PDE1C: variants seen among roughly 807,000 people sequenced by gnomAD.
PDE1C encodes dual specificity calcium/calmodulin-dependent 3',5'-cyclic nucleotide phosphodiesterase 1C.
PDE1C carries 62 observed loss-of-function variants against 93.1 expected under a neutral mutation model. The ratio of observed to expected loss-of-function variants is 0.67; its 90% confidence interval spans 0.54 to 0.82. The LOEUF is 0.82. Ranked by LOEUF, PDE1C falls within the 40% of genes least tolerant of loss-of-function variation. PDE1C has a pLI of 0.00. For synonymous variants in PDE1C, 325 were observed against 310.1 expected, an observed-to-expected ratio of 1.05 and a Z score of -0.50; for missense variants, 742 against 884.6, an observed-to-expected ratio of 0.84 and a Z score of 2.04.
chr7:32,146,151 G>A (rs1800821303), intron 3 of PDE1C, among the ~76,000 whole-genome samples: 1 of 152,124 alleles, frequency 6.6e-6, no homozygotes, highest in African/African-American at 2.4e-5. Context: ...TGACACCAGT[G>A]CCCTGTCATG....
intron 1 of PDE1C, among the ~76,000 whole-genome samples, chr7:32,315,934 G>C (rs966803435): frequency 2.0e-5 from 3 of 152,226 alleles, no homozygotes; most frequent in Non-Finnish European, 4.4e-5. Context: ...GGCCAAAGTT[G>C]TGGTGAGCCA....
chr7:31,651,042 GA>G, the PDE1C span: 2 of 1,405,828 alleles, frequency 1.4e-6, no homozygotes, highest in Non-Finnish European at 9.6e-7. Context: ...GCCTGTTTGC[GA>G]AAAAAGGGAT....
intron 1 of PDE1C, among the ~76,000 whole-genome samples, chr7:32,378,000 G>A (rs1210733524): frequency 6.6e-6 from 1 of 152,202 alleles, no homozygotes; most frequent in Non-Finnish European, 1.5e-5. Flanking sequence ...GACTATTTCT[G>A]GAAGGGAGGA....
chr7:31,955,810 G>A (rs1351654523), intron 2 of PDE1C, among the ~76,000 whole-genome samples: 3 of 152,152 alleles, frequency 2.0e-5, no homozygotes, highest in East Asian at 3.9e-4. Context: ...CAAGAGTCCC[G>A]CCTGCCAGTG....
chr7:31,695,488 C>A, the PDE1C span: 1 of 1,609,204 alleles, frequency 6.2e-7, no homozygotes, highest in Non-Finnish European at 8.5e-7. Flanking sequence ...CAGACCAGTT[C>A]ATTAAGGACT....
chr7:31,718,578 T>C, the PDE1C span, among the ~76,000 whole-genome samples: 7 of 152,150 alleles, frequency 4.6e-5, no homozygotes, highest in Non-Finnish European at 1.0e-4. Flanking sequence ...CTGCTGTTGG[T>C]TTCTCTTTGG....
At chr7:31,740,496 T>C in the PDE1C span, among the ~76,000 whole-genome samples, 31 of 152,306 alleles carry the variant, frequency 2.0e-4, no homozygotes, top group Middle Eastern at 3.4e-3. Context: ...ACTCAAGTAG[T>C]TTCCAATTCT....
chr7:32,353,857 C>A (rs1783979507), intron 1 of PDE1C, among the ~76,000 whole-genome samples: 1 of 152,144 alleles, frequency 6.6e-6, no homozygotes, highest in South Asian at 2.1e-4. Flanking sequence ...CACTTCCTCA[C>A]TCCCAGTGTA....
chr7:32,354,910 T>A (rs1012242266), intron 1 of PDE1C, among the ~76,000 whole-genome samples: 2 of 152,266 alleles, frequency 1.3e-5, no homozygotes, highest in African/African-American at 4.8e-5. Context: ...TTTTTCTTTT[T>A]ACATTCCAAA....
chr7:32,110,809 C>T (rs1798598051), intron 3 of PDE1C, among the ~76,000 whole-genome samples: 1 of 152,134 alleles, frequency 6.6e-6, no homozygotes, highest in Non-Finnish European at 1.5e-5. Context: ...CATTGGTGAC[C>T]AGTAAAATAT....
At chr7:31,725,150 G>A in the PDE1C span, among the ~76,000 whole-genome samples, 45 of 151,926 alleles carry the variant, frequency 3.0e-4, no homozygotes, top group Non-Finnish European at 5.0e-4. Flanking sequence ...CTTGCCACCC[G>A]CATCTCCCAC....
intron 2 of PDE1C, among the ~76,000 whole-genome samples, chr7:32,180,034 T>C (rs1374568799): frequency 3.9e-5 from 6 of 152,144 alleles, no homozygotes; most frequent in Admixed American, 2.0e-4. Context: ...AATTTGGGGC[T>C]GGGATACATA....
rs143756532 is a variant in PDE1C, at chr7:31,983,100, C to A, written c.128+68454G>T. On this transcript the variant is annotated intron_variant, in intron 2 of 17. Transcript: ENST00000396191. ...AGAATAGCAATTAAAATATTCTAAA[C>A]CCATCCCCCTCTCCATGTAACTATC... is the stretch of plus-strand genomic sequence containing the variant. Among the ~76,000 whole-genome samples the A allele has an allele frequency of 3.1e-3, 473 of 152,270 alleles. 4 individuals are homozygous for A. Among genetic ancestry groups the A allele is most frequent in the African/African-American group, 0.011 (445 of 41,546 alleles).
intron 1 of PDE1C, chr7:32,052,177 G>A: frequency 2.5e-6 from 1 of 403,684 alleles, no homozygotes; most frequent in Non-Finnish European, 5.0e-6. Flanking sequence ...TGAGGAAGGG[G>A]ACAATGAGAA....
Position 32,070,376 on chromosome 7 carries a change from C to T in PDE1C, c.18G>A (p.Lys6=), listed in dbSNP as rs1795898193. The T allele has an allele frequency of 6.2e-7, 1 of 1,614,214 alleles. No individual in the cohort carries two copies. The change falls in exon 1 of 18, where the codon AAG becomes AAA. Residue 6 remains lysine, a synonymous_variant. Coordinates refer to ENST00000396191, the MANE Select transcript of PDE1C (RefSeq NM_001191057.4). ...AGTTGCTCTCAAATTCTTCAATCTC[C>T]TTGGTTGGCGACTCCATAGCTGCAG... MESPT[K]EIEEFESNSL... is the part of the protein sequence containing the mutation.
chr7:31,723,421 G>A, the PDE1C span, among the ~76,000 whole-genome samples: 8 of 152,326 alleles, frequency 5.3e-5, no homozygotes, highest in South Asian at 1.0e-3. Context: ...GTTTCAGGGA[G>A]TTGGTGGAGC....
At chr7:31,848,156 T>C in intron 8 of PDE1C, 60 bp from the exon 9 acceptor site, 2 of 1,572,670 alleles carry the variant, frequency 1.3e-6, no homozygotes, top group Non-Finnish European at 1.7e-6. Flanking sequence ...CTTGGGTAAT[T>C]CTAACAGGCT....
intron 2 of PDE1C, among the ~76,000 whole-genome samples, chr7:31,885,326 G>C (rs1334628235): frequency 1.3e-5 from 2 of 152,214 alleles, no homozygotes; most frequent in Non-Finnish European, 2.9e-5. Context: ...CCAGATAATA[G>C]TTCCAGTATA....
chr7:32,387,893 G>A (rs1253227052), intron 1 of PDE1C, among the ~76,000 whole-genome samples: 1 of 151,508 alleles, frequency 6.6e-6, no homozygotes, highest in Admixed American at 6.6e-5. Flanking sequence ...GGGCGGCTGA[G>A]GACACCTTTT....
Sources: gnomAD v4.1 joint callset for allele counts (sites outside exome capture counted in the v4.1 genomes callset) on GRCh38, gnomAD v4.1.1 for gene constraint, MANE v1.5 for transcripts, NCBI Gene and HGNC (gene_info 2026-07-23, HGNC 2026-07-21) for gene names.